Variants in CDC42BPB observed in about 807,000 individuals in gnomAD.
CDC42BPB encodes the protein CDC42 binding protein kinase beta, also known as serine/threonine-protein kinase MRCK beta.
In CDC42BPB, 37 loss-of-function variants were observed where a neutral mutation model predicts 214.9. The ratio of observed to expected loss-of-function variants is 0.17; its 90% CI spans 0.13 to 0.23. The LOEUF (loss-of-function observed/expected upper bound fraction) is 0.23. Ranked by LOEUF, CDC42BPB falls within the 10% of genes least tolerant of loss-of-function variation. The probability of loss-of-function intolerance (pLI) is 1.00; values close to 1 mark genes in which losing one functional copy is unlikely to be tolerated. For synonymous variants in CDC42BPB, 931 were observed against 884.0 expected, an observed-to-expected ratio of 1.05 and a Z score of -0.94; for missense variants, 1,694 against 2,227.0, an observed-to-expected ratio of 0.76 and a Z score of 4.82.
chr14:102,940,014 T>G, intron 32 of CDC42BPB, 32 bp downstream of exon 32: 1 of 1,613,802 alleles, frequency 6.2e-7, no homozygotes, highest in Non-Finnish European at 8.5e-7. Flanking sequence ...CAACTTCCCT[T>G]CCCTCCACTC....
At chr14:102,941,517 A>G in intron 30 of CDC42BPB, 1 of 985,454 alleles carries the variant, frequency 1.0e-6, no homozygotes, top group Non-Finnish European at 1.2e-6. Flanking sequence ...CTGAGAACCA[A>G]GTCAAAAGCA....
chr14:102,971,018 C>T (rs1893448751), intron 13 of CDC42BPB, among the ~76,000 whole-genome samples: 1 of 152,188 alleles, frequency 6.6e-6, no homozygotes, highest in South Asian at 2.1e-4. Flanking sequence ...ACTCAGAACA[C>T]CCAGGGCGGC....
At chr14:102,962,835 C>G (rs985555562) in intron 20 of CDC42BPB, among the ~76,000 whole-genome samples, 3 of 151,960 alleles carry the variant, frequency 2.0e-5, no homozygotes, top group Admixed American at 1.3e-4. Flanking sequence ...CTGGGTGACA[C>G]AGCGAGACTG....
intron 6 of CDC42BPB, among the ~76,000 whole-genome samples, chr14:102,984,233 C>T (rs774856283): frequency 6.6e-6 from 1 of 152,204 alleles, no homozygotes; most frequent in Non-Finnish European, 1.5e-5. Flanking sequence ...TGTCACTGCT[C>T]CCAGTGTGAT....
At position 103,017,294 on chromosome 14, in the gene CDC42BPB, G is replaced by A. The variant is rs117515502; in HGVS notation, c.176-5106C>T. ...CTGTGTTTGCACCACTGCACTCCAG[G>A]CTGGACAACAGTGAGAACTTGTCTC... On this transcript the variant is annotated intron_variant, in intron 1 of 36. Coordinates refer to ENST00000361246, the MANE Select transcript of CDC42BPB (RefSeq NM_006035.4). Among the ~76,000 whole-genome samples, 1,518 of 152,256 alleles carry A rather than the reference G, an allele frequency of 1.0e-2. 13 individuals are homozygous for A. The highest frequency in any genetic ancestry group is 0.018 in the Non-Finnish European group (1,192 of 68,030).
In CDC42BPB at chr14:102,981,907, G is replaced by A. The variant is rs188046581; in HGVS notation, c.892-886C>T. ...GCCACGTATCTAAACACACACATGC[G>A]CACGCACACACACGAGCTGAGGTCT... On this transcript the variant is annotated intron_variant, in intron 7 of 36. Transcript: ENST00000361246. 9.1e-4 allele frequency among the ~76,000 whole-genome samples: 139 copies of A among 152,266 alleles called. 1 individual carries two copies. The Middle Eastern group carries it at 0.014, about 15-fold the overall frequency.
intron 11 of CDC42BPB, 75 bp from the exon 12 acceptor site, chr14:102,974,224 C>T: frequency 6.4e-7 from 1 of 1,563,526 alleles, no homozygotes; most frequent in South Asian, 1.2e-5. Context: ...AGCTGACTTA[C>T]TGACAGGAAA....
At chr14:102,957,065 G>T (rs1892741770) in intron 21 of CDC42BPB, among the ~76,000 whole-genome samples, 1 of 148,734 alleles carries the variant, frequency 6.7e-6, no homozygotes, top group Non-Finnish European at 1.5e-5. Context: ...GCCGGGCATA[G>T]TGGCGCGTGC....
intron 5 of CDC42BPB, among the ~76,000 whole-genome samples, chr14:102,986,910 C>T (rs1156414542): frequency 6.6e-6 from 1 of 152,250 alleles, no homozygotes; most frequent in African/African-American, 2.4e-5. Flanking sequence ...CGTGACAACG[C>T]TGCCCCTGCC....
intron 1 of CDC42BPB, among the ~76,000 whole-genome samples, chr14:103,052,231 T>C (rs540161876): frequency 1.3e-4 from 20 of 152,356 alleles, no homozygotes; most frequent in East Asian, 5.8e-4. Flanking sequence ...ACAGCTACCA[T>C]AGAATCTACA....
At chr14:102,985,828 C>A (rs529019062) in intron 6 of CDC42BPB, among the ~76,000 whole-genome samples, 1 of 152,270 alleles carries the variant, frequency 6.6e-6, no homozygotes, top group Non-Finnish European at 1.5e-5. Context: ...TTGCTGCAAG[C>A]AGCTGCCAAC....
chr14:102,955,592 G>C (rs1025344957), intron 21 of CDC42BPB, among the ~76,000 whole-genome samples: 3 of 152,176 alleles, frequency 2.0e-5, no homozygotes, highest in Non-Finnish European at 2.9e-5. Context: ...AACAAATTAA[G>C]AGTTCTAATT....
chr14:102,953,582 G>A (rs557863367), intron 23 of CDC42BPB, among the ~76,000 whole-genome samples: 9 of 152,346 alleles, frequency 5.9e-5, no homozygotes, highest in African/African-American at 1.2e-4. Context: ...ACAGGGCTAC[G>A]TACTCGCAAT....
At position 103,004,142 on chromosome 14, in the gene CDC42BPB, G is replaced by A. The variant is rs530629056; in HGVS notation, c.352-119C>T. The A allele has an allele frequency of 8.7e-5, 123 of 1,406,698 alleles. No homozygotes were observed. In the African/African-American group the frequency reaches 1.5e-3, roughly 17 times the overall value. 87.1% of individuals were successfully genotyped at this position (1,406,698 alleles called of 1,614,324 possible). A position where few individuals can be genotyped will look rare whatever the true frequency, so the allele number is the denominator to read the frequency against. ...CCAGCCACGGTGTCCCTGCCTTCCG[G>A]GCTCCTCCTCGTGCACCACCCCGAG... On this transcript the variant is annotated intron_variant, in intron 3 of 36. Transcript: ENST00000361246. This position sits in a 1 kb window ranked among gnomAD's most constrained non-coding sequence, Gnocchi z 5.3.
chr14:102,933,296 AG>A lies in CDC42BPB; in HGVS notation c.*415del, dbSNP rs1318765178. The stretch of plus-strand genomic sequence containing the variant: ...TATAGGACCTCCTACTATTCTCTTA[AG>A]GTCCTAGGAAAGTTTCAGGAACTAG... On this transcript the variant is annotated 3_prime_UTR_variant, in exon 37 of 37. Transcript: ENST00000361246. 6.1e-6 allele frequency: 1 copy of A among 163,790 alleles called. No individual in the cohort carries two copies. Among genetic ancestry groups the A allele is most frequent in the Admixed American group, 6.4e-5 (1 of 15,596 alleles). The allele number at this position is 163,790 out of a possible 1,614,324, so 10.1% of individuals were successfully genotyped here.
At chr14:102,934,091 C>T in intron 36 of CDC42BPB, 1 of 1,181,024 alleles carries the variant, frequency 8.5e-7, no homozygotes, top group Non-Finnish European at 1.1e-6. Context: ...AAGACAGCAA[C>T]TCTGTAGTGA....
At chr14:102,963,735 G>C (rs1452324525) in intron 19 of CDC42BPB, among the ~76,000 whole-genome samples, 2 of 152,194 alleles carry the variant, frequency 1.3e-5, no homozygotes, top group Admixed American at 6.5e-5. Flanking sequence ...TACCCTGTTG[G>C]GCTGTGGGAG....
chr14:102,986,710 A>C, intron 5 of CDC42BPB, 130 bp from the exon 6 acceptor site: 2 of 1,378,776 alleles, frequency 1.5e-6, no homozygotes, highest in South Asian at 1.7e-5. Context: ...ACCATCCAGT[A>C]CAAATGCCTC....
intron 1 of CDC42BPB, among the ~76,000 whole-genome samples, chr14:103,046,182 C>T (rs1242863311): frequency 6.6e-6 from 1 of 151,912 alleles, no homozygotes; most frequent in Non-Finnish European, 1.5e-5. Flanking sequence ...TCCACCTCAG[C>T]CACCTTCCCA....
Sources: gnomAD v4.1 joint callset for allele counts (sites outside exome capture counted in the v4.1 genomes callset) on GRCh38, gnomAD v4.1.1 for gene constraint, Gnocchi (gnomAD v3.1) non-coding constraint, MANE v1.5 for transcripts, NCBI Gene and HGNC (gene_info 2026-07-23, HGNC 2026-07-21) for gene names.